Variants in ALG5 observed in about 807,000 individuals in gnomAD.
ALG5 encodes dolichyl-phosphate beta-glucosyltransferase.
Under a neutral mutation model 51.8 loss-of-function variants are expected in ALG5, and 26 were observed. That is an observed-to-expected ratio of 0.50 (90% CI 0.37 to 0.70). The LOEUF is 0.70. Ranked by LOEUF, ALG5 falls within the 30% of genes least tolerant of loss-of-function variation. ALG5 has a pLI of 0.00. For synonymous variants in ALG5, 141 were observed against 136.1 expected (o/e 1.04, Z -0.25); for missense variants, 311 against 399.3 (o/e 0.78, Z 1.88).
At chr13:36,991,693 T>C (rs932880105) in intron 4 of ALG5, among the ~76,000 whole-genome samples, 5 of 152,202 alleles carry the variant, frequency 3.3e-5, no homozygotes, top group Admixed American at 2.0e-4. Flanking sequence ...TGGGCTTTAG[T>C]AGAGGGAGGG....
chr13:36,964,945 TG>T (rs989781765), intron 8 of ALG5, among the ~76,000 whole-genome samples: 6 of 146,882 alleles, frequency 4.1e-5, no homozygotes, highest in African/African-American at 1.5e-4. Context: ...TGATGAGGCA[TG>T]GAAGAAAATC....
In ALG5 at chr13:36,980,236, ATTTT is replaced by A. The variant is rs528242527; in HGVS notation, c.561+5387_561+5390del. The stretch of plus-strand genomic sequence containing the variant: ...TACTTTGGGATTATTTTTTGAAAAA[ATTTT>A]TTATTATTTTTTGAGACAGAGTCTC... On this transcript the variant is annotated intron_variant, in intron 6 of 9. Transcript: ENST00000239891. Among the ~76,000 whole-genome samples, 6 of 152,054 alleles carry A rather than the reference ATTTT, an allele frequency of 3.9e-5. No individual in the cohort carries two copies. In the South Asian group the frequency reaches 1.2e-3, roughly 32 times the overall value.
At position 36,999,312 on chromosome 13, in the gene ALG5, T is replaced by C. The variant is rs754071553; in HGVS notation, c.-12A>G. ...AGAAGCGGAGCCATTCTCCATGCCG[T>C]GGCAGCCCGCCCAATCCCGCACCTC... is the stretch of plus-strand genomic sequence containing the variant. On this transcript the variant is annotated 5_prime_UTR_variant, in exon 1 of 10. Coordinates refer to ENST00000239891, the MANE Select transcript of ALG5 (RefSeq NM_013338.5). 3.5e-4 allele frequency: 554 copies of C among 1,568,140 alleles called. No individual in the cohort carries two copies. The highest frequency in any genetic ancestry group is 4.7e-4 in the Non-Finnish European group (541 of 1,160,462).
At chr13:36,953,733 A>G (rs1284574414) in intron 8 of ALG5, among the ~76,000 whole-genome samples, 8 of 152,250 alleles carry the variant, frequency 5.3e-5, no homozygotes, top group Admixed American at 5.2e-4. Context: ...ATAATCATCC[A>G]TTAGGTAAAT....
chr13:36,971,308 G>C (rs994287537), intron 7 of ALG5, among the ~76,000 whole-genome samples: 1 of 152,130 alleles, frequency 6.6e-6, no homozygotes, highest in Non-Finnish European at 1.5e-5. Context: ...GCACTTAACT[G>C]TGCCAATGTT....
intron 3 of ALG5, among the ~76,000 whole-genome samples, chr13:36,994,428 T>G (rs2059039626): frequency 6.6e-6 from 1 of 152,182 alleles, no homozygotes; most frequent in South Asian, 2.1e-4. Flanking sequence ...CTTCTCCTTA[T>G]GTAGGGAAAA....
chr13:36,977,143 C>T (rs1016681942), intron 6 of ALG5, among the ~76,000 whole-genome samples: 4 of 152,188 alleles, frequency 2.6e-5, no homozygotes, highest in African/African-American at 9.7e-5. Context: ...AGCTGAATCC[C>T]TGATACCAAT....
At chr13:36,990,086 A>G (rs1033469739) in intron 4 of ALG5, among the ~76,000 whole-genome samples, 1 of 152,138 alleles carries the variant, frequency 6.6e-6, no homozygotes, top group Non-Finnish European at 1.5e-5. Flanking sequence ...TCTCTTCTAA[A>G]TCTTCAATCT....
At chr13:36,994,959 G>T in intron 3 of ALG5, 30 bp downstream of exon 3, 1 of 1,592,964 alleles carries the variant, frequency 6.3e-7, no homozygotes, top group Non-Finnish European at 8.6e-7. Flanking sequence ...TTTAATTGGA[G>T]ATATCATATT....
intron 6 of ALG5, among the ~76,000 whole-genome samples, chr13:36,978,835 G>C (rs2058965914): frequency 6.7e-6 from 1 of 149,300 alleles, no homozygotes. Context: ...AGAATCACTT[G>C]AACCCAGGAG....
Position 36,980,902 on chromosome 13 carries a change from A to T in ALG5, c.561+4725T>A, listed in dbSNP as rs145138901. Among the ~76,000 whole-genome samples, 922 of 152,266 alleles carry T rather than the reference A, an allele frequency of 6.1e-3. 12 individuals carry two copies. The highest frequency in any genetic ancestry group is 0.022 in the African/African-American group (894 of 41,540). On this transcript the variant is annotated intron_variant, in intron 6 of 9. Transcript: ENST00000239891. ...GGCACGAGAATCGCTTAAGCCCAAG[A>T]GGCAGAGGTTGCAGTGAGCTGAGAT...
chr13:36,966,110 G>C (rs2058892251), intron 7 of ALG5, among the ~76,000 whole-genome samples: 1 of 152,142 alleles, frequency 6.6e-6, no homozygotes. Flanking sequence ...TCAGTTTCCA[G>C]GATGTATTGA....
At chr13:36,961,048 C>T (rs1036134699) in intron 8 of ALG5, among the ~76,000 whole-genome samples, 11 of 151,954 alleles carry the variant, frequency 7.2e-5, no homozygotes, top group Non-Finnish European at 1.3e-4. Flanking sequence ...GTTCCACATT[C>T]GCAAATTCAA....
At chr13:36,993,259 T>C (rs565904304) in intron 4 of ALG5, among the ~76,000 whole-genome samples, 4 of 152,352 alleles carry the variant, frequency 2.6e-5, no homozygotes, top group African/African-American at 9.6e-5. Context: ...CAGCTTTCTA[T>C]TGGCGTGACT....
At chr13:36,980,416 G>A (rs973775964) in intron 6 of ALG5, among the ~76,000 whole-genome samples, 3 of 151,828 alleles carry the variant, frequency 2.0e-5, no homozygotes, top group East Asian at 3.9e-4. Context: ...TAGTAGAGAC[G>A]GGATTTCGCT....
At chr13:36,968,360 T>A (rs1004261441) in intron 7 of ALG5, among the ~76,000 whole-genome samples, 1 of 152,200 alleles carries the variant, frequency 6.6e-6, no homozygotes, top group Non-Finnish European at 1.5e-5. Flanking sequence ...TCTAATTTCA[T>A]TAACTTAAAA....
intron 6 of ALG5, among the ~76,000 whole-genome samples, chr13:36,983,639 T>C (rs2058989364): frequency 6.6e-6 from 1 of 151,916 alleles, no homozygotes; most frequent in African/African-American, 2.4e-5. Flanking sequence ...AGGAACTAAA[T>C]TTTCATTTTA....
intron 8 of ALG5, among the ~76,000 whole-genome samples, chr13:36,959,369 C>CA (rs1376620959): frequency 6.6e-6 from 1 of 151,494 alleles, no homozygotes; most frequent in African/African-American, 2.4e-5. Context: ...GTTCCCACCA[C>CA]AAAAAAAGGA....
At chr13:36,993,840 G>C (rs112346838) in intron 3 of ALG5, among the ~76,000 whole-genome samples, 168 bp from the exon 4 acceptor site, 38 of 152,328 alleles carry the variant, frequency 2.5e-4, no homozygotes, top group African/African-American at 9.1e-4. Flanking sequence ...AGTAAAAAGA[G>C]AGAGAGAGAT....
Sources: gnomAD v4.1 joint callset for allele counts (sites outside exome capture counted in the v4.1 genomes callset) on GRCh38, gnomAD v4.1.1 for gene constraint, MANE v1.5 for transcripts, NCBI Gene and HGNC (gene_info 2026-07-23, HGNC 2026-07-21) for gene names.